Variants in MISP observed in about 807,000 individuals in gnomAD.
MISP encodes the protein mitotic interactor and substrate of PLK1.
A neutral mutation model predicts 49.3 loss-of-function variants in MISP; 51 were observed. The observed-to-expected ratio is 1.03, with a 90% CI of 0.83 to 1.31. The LOEUF (loss-of-function observed/expected upper bound fraction) is 1.31, where lower values mean the gene tolerates loss of function less well. Among genes scored for constraint, MISP ranks in the 50% most tolerant of loss-of-function variants. The probability of loss-of-function intolerance (pLI) is 0.00; values close to 1 mark genes in which losing one functional copy is unlikely to be tolerated. For synonymous variants in MISP, 444 were observed against 392.6 expected (o/e 1.13, Z -1.55); for missense variants, 1,084 against 935.1 (o/e 1.16, Z -2.08).
Position 758,106 on chromosome 19 carries a change from C to T in MISP, c.1160C>T (p.Pro387Leu). 1 of 1,598,590 alleles carries T rather than the reference C, an allele frequency of 6.3e-7. No individual in the cohort carries two copies. The highest frequency in any genetic ancestry group is 8.5e-7 in the Non-Finnish European group (1 of 1,172,608). ...GACTGGGTCTCGGAGGGTCCCCAGC[C>T]CGGACTCCGGAGAGCCCTCAGCTCA... is the stretch of plus-strand genomic sequence containing the variant. ...TPDWVSEGPQ[P>L]GLRRALSSDS... The change falls in exon 2 of 5, where the codon CCC becomes CTC. Residue 387 changes from proline (P) to leucine (L), a missense_variant. By Grantham distance (98) the Pro-to-Leu change is moderately conservative. Coordinates refer to ENST00000215582, the MANE Select transcript of MISP (RefSeq NM_173481.4).
intron 1 of MISP, among the ~76,000 whole-genome samples, chr19:753,288 G>C (rs1259808163): frequency 6.6e-6 from 1 of 152,050 alleles, no homozygotes; most frequent in African/African-American, 2.4e-5. Context: ...CACATTGCGT[G>C]TAGTTTCAAC....
chr19:748,463 G>C (rs372829348), upstream of MISP: 3 of 152,336 alleles, frequency 2.0e-5, no homozygotes, highest in East Asian at 5.8e-4. Context: ...GCCTGCACCC[G>C]CTCACCCTGA....
At position 763,951 on chromosome 19, in the gene MISP, C is replaced by T. The variant is rs1163013325; in HGVS notation, c.*361C>T. The T allele has an allele frequency of 4.1e-6, 1 of 244,672 alleles. No homozygotes were observed. The highest frequency in any genetic ancestry group is 8.1e-6 in the Non-Finnish European group (1 of 122,878). 15.2% of individuals were successfully genotyped at this position (244,672 alleles called of 1,614,324 possible). On this transcript the variant is annotated 3_prime_UTR_variant, in exon 5 of 5. Transcript: ENST00000215582. ...TTCCGCTAGTCTGAGGGCAGAGGGA[C>T]CGGTCAAAGAGGGTGGCACAGATCG...
intron 1 of MISP, among the ~76,000 whole-genome samples, chr19:755,276 G>A (rs1191846206): frequency 6.6e-6 from 1 of 152,210 alleles, no homozygotes; most frequent in African/African-American, 2.4e-5. Flanking sequence ...CTGGGTCAGG[G>A]TGTCACCCGC....
chr19:758,500 G>T lies in MISP; in HGVS notation c.1554G>T (p.Gln518His). 2.5e-6 allele frequency: 4 copies of T among 1,614,102 alleles called. No homozygotes were observed. The highest frequency in any genetic ancestry group is 1.7e-4 in the Middle Eastern group (1 of 6,058). ...GGTTCAGGGCCCCAGACGAGCCCCA[G>T]CAGGCCCAAGTCCCCCATGTCTGGG... ...PLRFRAPDEP[Q>H]QAQVPHVWGW... Residue 518 changes from glutamine to histidine, a missense_variant, in exon 2 of 5, where the codon CAG becomes CAT. By Grantham distance (24) the Gln-to-His change is conservative (BLOSUM62 0). Transcript: ENST00000215582.
At chr19:755,038 A>G (rs548444448) in intron 1 of MISP, among the ~76,000 whole-genome samples, 2 of 145,402 alleles carry the variant, frequency 1.4e-5, no homozygotes, top group Admixed American at 1.4e-4. Flanking sequence ...TTGGGGTGGA[A>G]GAGGAGGGTC....
upstream of MISP, among the ~76,000 whole-genome samples, chr19:748,634 C>T (rs530608753): frequency 3.9e-5 from 6 of 152,306 alleles, no homozygotes; most frequent in East Asian, 1.2e-3. Context: ...GGCTCACAGC[C>T]CCTGGGTGAT....
chr19:754,279 A>G (rs948871208), intron 1 of MISP, among the ~76,000 whole-genome samples: 1 of 152,188 alleles, frequency 6.6e-6, no homozygotes, highest in African/African-American at 2.4e-5. Flanking sequence ...CCTGGCTAAT[A>G]TGGTGAAACC....
Position 759,903 on chromosome 19 carries a change from C to G in MISP, c.1781-6C>G, listed in dbSNP as rs2033644518. On this transcript the variant is annotated splice_polypyrimidine_tract_variant and splice_region_variant and intron_variant, in intron 2 of 4. Coordinates refer to ENST00000215582, the MANE Select transcript of MISP (RefSeq NM_173481.4). ...CTAATGTTCTGCCCTCCCTGCTCCC[C>G]TACAGGCATCACGGGCAGTTACTCG... 1 of 1,613,950 alleles carries G rather than the reference C, an allele frequency of 6.2e-7. No homozygotes were observed. Among genetic ancestry groups the G allele is most frequent in the Middle Eastern group, 1.7e-4 (1 of 6,060 alleles).
In MISP at chr19:757,759, AG is replaced by A. The variant is rs1568242606; in HGVS notation, c.814del (p.Val272LeufsTer60). On this transcript the variant is annotated frameshift_variant, in exon 2 of 5. Coordinates refer to ENST00000215582, the MANE Select transcript of MISP (RefSeq NM_173481.4). LOFTEE classifies it high-confidence loss of function. ...RAVPTWASVQ[V>X]VDDPGSLASV... Reference sequence around the variant, plus strand: ...CTGTGCCCACCTGGGCCAGTGTCCAAGTTGTGGATGACCCTGGCTCCTTGGC... The same window carrying A: ...CTGTGCCCACCTGGGCCAGTGTCCAATTGTGGATGACCCTGGCTCCTTGGC... 2 of 1,613,666 alleles carry A rather than the reference AG, an allele frequency of 1.2e-6. No individual in the cohort carries two copies. Among genetic ancestry groups the A allele is most frequent in the Admixed American group, 3.3e-5 (2 of 60,012 alleles).
intron 4 of MISP, 45 bp from the exon 5 acceptor site, chr19:763,456 T>C: frequency 1.4e-6 from 2 of 1,388,692 alleles, no homozygotes; most frequent in Non-Finnish European, 2.0e-6. Flanking sequence ...ATCTTGGGGG[T>C]GTGGTAGGAC....
chr19:754,496 G>A (rs574707529), intron 1 of MISP, among the ~76,000 whole-genome samples: 4 of 152,254 alleles, frequency 2.6e-5, no homozygotes, highest in East Asian at 3.9e-4. Flanking sequence ...GTGTGGGGGC[G>A]GGTGCCCGTA....
chr19:760,061 G>A, intron 3 of MISP, 22 bp downstream of exon 3: 1 of 1,612,806 alleles, frequency 6.2e-7, no homozygotes, highest in Non-Finnish European at 8.5e-7. Flanking sequence ...ACCCGTCTCT[G>A]CAGAGGCCAG....
At chr19:748,663 C>T (rs1163822209), upstream of MISP, among the ~76,000 whole-genome samples, 1 of 152,212 alleles carries the variant, frequency 6.6e-6, no homozygotes, top group African/African-American at 2.4e-5. Flanking sequence ...GTCCCCTGGA[C>T]ACCCACAAGC....
In MISP at chr19:757,370, G is replaced by A. The variant is rs370299354; in HGVS notation, c.424G>A (p.Glu142Lys). The A allele has an allele frequency of 9.2e-5, 148 of 1,612,460 alleles. No homozygotes were observed. Among genetic ancestry groups the A allele is most frequent in the Non-Finnish European group, 1.2e-4 (142 of 1,179,496 alleles). ...CAGGAGGCTGTGTGACCTGGAGCGG[G>A]AGCGCTGGGCCGTCATCCAGGGCCA... ...DPRRLCDLER[E>K]RWAVIQGQAV... The change falls in exon 2 of 5, where the codon GAG becomes AAG. Residue 142 changes from glutamate to lysine, a missense_variant. By Grantham distance (56) the Glu-to-Lys change is moderately conservative (BLOSUM62 1). Coordinates refer to ENST00000215582, the MANE Select transcript of MISP (RefSeq NM_173481.4).
rs113755770 is a variant in MISP at position 754,698 on chromosome 19, C to T, written c.-57-2192C>T. 1.8e-3 allele frequency among the ~76,000 whole-genome samples: 274 copies of T among 152,334 alleles called. 1 individual carries two copies. The highest frequency in any genetic ancestry group is 6.4e-3 in the African/African-American group (268 of 41,592). On this transcript the variant is annotated intron_variant, in intron 1 of 4. Transcript: ENST00000215582. ...CATGAAGGAGGTGTTCAGATGATGG[C>T]TCTGGGGGAGGGGCAATCTGGGTTA...
At position 757,614 on chromosome 19, in the gene MISP, C is replaced by A; in HGVS notation, c.668C>A (p.Thr223Lys). Residue 223 changes from threonine (T) to lysine (K), a missense_variant, in exon 2 of 5, where the codon ACA (threonine) becomes AAA (lysine). Thr to Lys is a moderately conservative substitution (Grantham distance 78, BLOSUM62 -1). Coordinates refer to ENST00000215582, the MANE Select transcript of MISP (RefSeq NM_173481.4). ...SSPARGTPAG[T>K]TPGASQAPKA... ...CCGGCCAGGGGGACCCCTGCAGGCACAACCCCAGGGGCCAGCCAGGCCCCC... is the reference window on the plus strand; with the variant it reads ...CCGGCCAGGGGGACCCCTGCAGGCAAAACCCCAGGGGCCAGCCAGGCCCCC... The A allele has an allele frequency of 6.2e-7, 1 of 1,612,630 alleles. No individual in the cohort carries two copies. The highest frequency in any genetic ancestry group is 8.5e-7 in the Non-Finnish European group (1 of 1,179,638).
chr19:763,985 T>G lies in MISP; in HGVS notation c.*395T>G, dbSNP rs778737456. 23 of 164,758 alleles carry G rather than the reference T, an allele frequency of 1.4e-4. No homozygotes were observed. Among genetic ancestry groups the G allele is most frequent in the Non-Finnish European group, 2.2e-4 (17 of 75,798 alleles). The allele number at this position is 164,758 out of a possible 1,614,324, so 10.2% of individuals were successfully genotyped here. ...GAGGGTGGCACAGATCGCAGCACCT[T>G]GAGGGGCTGCGGGTCTGAGGGAGGA... On this transcript the variant is annotated 3_prime_UTR_variant, in exon 5 of 5. Transcript: ENST00000215582.
In MISP at chr19:763,907, A is replaced by C; in HGVS notation, c.*317A>C. On this transcript the variant is annotated 3_prime_UTR_variant, in exon 5 of 5. Transcript: ENST00000215582. ...AAGAAAGAAAGAGACCCGCTCCTCCACTTTCAGGTGTAATTTGCTTCCGCT... is the reference window on the plus strand; with the variant it reads ...AAGAAAGAAAGAGACCCGCTCCTCCCCTTTCAGGTGTAATTTGCTTCCGCT... 1 of 313,518 alleles carries C rather than the reference A, an allele frequency of 3.2e-6. No individual in the cohort carries two copies. 19.4% of individuals were successfully genotyped at this position (313,518 alleles called of 1,614,324 possible).
Sources: allele counts gnomAD v4.1 joint callset (sites outside exome capture counted in the v4.1 genomes callset), GRCh38; gene constraint gnomAD v4.1.1; transcripts MANE v1.5; gene names NCBI Gene and HGNC (gene_info 2026-07-23, HGNC 2026-07-21).